Variants in SEMA3C observed in about 807,000 individuals in gnomAD.
The protein encoded by SEMA3C is semaphorin-3C.
Under a neutral mutation model 89.4 loss-of-function variants are expected in SEMA3C, and 47 were observed. The observed-to-expected ratio is 0.53, with a 90% confidence interval of 0.42 to 0.67. SEMA3C has a LOEUF of 0.67. Ranked by LOEUF, SEMA3C falls within the 30% of genes least tolerant of loss-of-function variation. SEMA3C has a pLI of 0.00. For synonymous variants in SEMA3C, 310 were observed against 320.2 expected (o/e 0.97, Z 0.34); for missense variants, 839 against 929.1 (o/e 0.90, Z 1.26).
intron 2 of SEMA3C, among the ~76,000 whole-genome samples, chr7:80,900,944 T>C (rs528954318): frequency 2.6e-5 from 4 of 152,336 alleles, no homozygotes; most frequent in Middle Eastern, 3.4e-3. Context: ...ACAGAAGATG[T>C]TGGATATATT....
chr7:80,914,220 A>G (rs1792218864), intron 2 of SEMA3C, among the ~76,000 whole-genome samples: 1 of 152,224 alleles, frequency 6.6e-6, no homozygotes, highest in South Asian at 2.1e-4. Flanking sequence ...TATATGCCAC[A>G]TGTATTTAAA....
intron 6 of SEMA3C, among the ~76,000 whole-genome samples, chr7:80,807,002 T>G (rs1199669180): frequency 6.6e-6 from 1 of 152,128 alleles, no homozygotes; most frequent in African/African-American, 2.4e-5. Flanking sequence ...TGCTCAGCTC[T>G]GCTTCCTAGT....
At position 80,787,216 on chromosome 7, in the gene SEMA3C, AC is replaced by A. The variant is rs1447230331; in HGVS notation, c.1354+2089del. ...AGACCATCCTGGCCAACATGGTGAA[AC>A]CCTGTCTCTATTAAAAATACAAAAA... On this transcript the variant is annotated intron_variant, in intron 12 of 17. Coordinates refer to ENST00000265361, the MANE Select transcript of SEMA3C (RefSeq NM_006379.5). 2.0e-4 allele frequency among the ~76,000 whole-genome samples: 31 copies of A among 152,030 alleles called. No individual in the cohort carries two copies. In the South Asian group the frequency reaches 4.8e-3, roughly 23 times the overall value.
upstream of SEMA3C, chr7:80,919,095 C>G: frequency 1.0e-6 from 1 of 985,154 alleles, no homozygotes; most frequent in Non-Finnish European, 1.2e-6. Context: ...CTCTTGGTGT[C>G]CGATTACAGC....
At chr7:80,859,255 A>T (rs1344610397) in intron 2 of SEMA3C, among the ~76,000 whole-genome samples, 2 of 152,188 alleles carry the variant, frequency 1.3e-5, no homozygotes, top group East Asian at 3.9e-4. Context: ...ATGTTTATGC[A>T]TACATACATA....
rs1313242777 is a variant in SEMA3C at position 80,789,286 on chromosome 7, T to C, written c.1354+20A>G. 2.5e-6 allele frequency: 4 copies of C among 1,595,508 alleles called. No individual in the cohort carries two copies. The highest frequency in any genetic ancestry group is 2.6e-6 in the Non-Finnish European group (3 of 1,165,084). On this transcript the variant is annotated intron_variant, in intron 12 of 17. Transcript: ENST00000265361. ...TTCTTTTACTACACATTAAAGCATATCTTGGGCTCAAATATTTACCTGTTC... is the reference window on the plus strand; with the variant it reads ...TTCTTTTACTACACATTAAAGCATACCTTGGGCTCAAATATTTACCTGTTC...
In SEMA3C at chr7:80,786,218, T is replaced by A. The variant is rs534390787; in HGVS notation, c.1354+3088A>T. On this transcript the variant is annotated intron_variant, in intron 12 of 17. Coordinates refer to ENST00000265361, the MANE Select transcript of SEMA3C (RefSeq NM_006379.5). ...TGTTTAAATACCAAAATAAAAATTC[T>A]ATGAAATGGTGCCAGAAACTTATGT... is the stretch of plus-strand genomic sequence containing the variant. 8.5e-5 allele frequency among the ~76,000 whole-genome samples: 13 copies of A among 152,198 alleles called. 1 individual carries two copies. Among genetic ancestry groups the A allele is most frequent in the Non-Finnish European group, 1.6e-4 (11 of 68,030 alleles).
At chr7:80,785,838 C>T (rs914037943) in intron 12 of SEMA3C, among the ~76,000 whole-genome samples, 2 of 152,214 alleles carry the variant, frequency 1.3e-5, no homozygotes, top group African/African-American at 4.8e-5. Context: ...AAACTCCCGA[C>T]CTCAGGTGAT....
chr7:80,753,209 C>T (rs1277627132), intron 15 of SEMA3C, among the ~76,000 whole-genome samples: 4 of 152,144 alleles, frequency 2.6e-5, no homozygotes, highest in Non-Finnish European at 5.9e-5. Flanking sequence ...GTGTTAGCCA[C>T]TTTCATCTCA....
chr7:80,810,721 TA>T lies in SEMA3C; in HGVS notation c.448-21del. 6.4e-7 allele frequency: 1 copy of T among 1,568,748 alleles called. No individual in the cohort carries two copies. ...TTGGTCCTTTATTGTAGATAAAATTTAAAATGTGGCAATGATAACTTATTTA... is the reference window on the plus strand; with the variant it reads ...TTGGTCCTTTATTGTAGATAAAATTTAAATGTGGCAATGATAACTTATTTA... On this transcript the variant is annotated intron_variant, in intron 5 of 17. Transcript: ENST00000265361.
At chr7:80,872,512 C>T (rs1791086016) in intron 2 of SEMA3C, among the ~76,000 whole-genome samples, 1 of 151,906 alleles carries the variant, frequency 6.6e-6, no homozygotes, top group Admixed American at 6.6e-5. Flanking sequence ...TAGAAGATTG[C>T]TGAATTCTCG....
intron 14 of SEMA3C, among the ~76,000 whole-genome samples, chr7:80,760,264 A>G (rs1788155528): frequency 6.6e-6 from 1 of 152,246 alleles, no homozygotes; most frequent in Admixed American, 6.5e-5. Flanking sequence ...CAGATGTAAT[A>G]CATAACTAAA....
intron 2 of SEMA3C, among the ~76,000 whole-genome samples, chr7:80,852,684 T>A (rs1790541540): frequency 6.6e-6 from 1 of 151,456 alleles, no homozygotes; most frequent in Admixed American, 6.6e-5. Flanking sequence ...GACATTTTTT[T>A]TTTTTTTTTT....
chr7:80,785,890 G>A (rs1004268669), intron 12 of SEMA3C, among the ~76,000 whole-genome samples: 1 of 152,242 alleles, frequency 6.6e-6, no homozygotes, highest in African/African-American at 2.4e-5. Context: ...TTACAGGCGT[G>A]AGCCACTGTG....
At chr7:80,867,161 T>C (rs926927822) in intron 2 of SEMA3C, among the ~76,000 whole-genome samples, 1 of 152,232 alleles carries the variant, frequency 6.6e-6, no homozygotes, top group African/African-American at 2.4e-5. Context: ...TTAATGGTTG[T>C]AGAAAAAGAC....
At chr7:80,835,204 A>C (rs1790098000) in intron 2 of SEMA3C, among the ~76,000 whole-genome samples, 1 of 152,150 alleles carries the variant, frequency 6.6e-6, no homozygotes, top group Admixed American at 6.5e-5. Flanking sequence ...ATGTGTTATT[A>C]ATTTGTTCAA....
At chr7:80,745,431 C>T (rs756000526) in intron 17 of SEMA3C, 124 bp from the exon 18 acceptor site, 30 of 915,398 alleles carry the variant, frequency 3.3e-5, no homozygotes, top group Non-Finnish European at 4.7e-5. Flanking sequence ...CACTACTTAG[C>T]ATCCTTCTCA....
intron 15 of SEMA3C, among the ~76,000 whole-genome samples, chr7:80,757,143 A>G (rs561432836): frequency 6.6e-6 from 1 of 152,224 alleles, no homozygotes; most frequent in Non-Finnish European, 1.5e-5. Flanking sequence ...AGGTCCTCAA[A>G]GGAATGTAGA....
At chr7:80,774,738 G>A (rs927455098) in intron 12 of SEMA3C, among the ~76,000 whole-genome samples, 5 of 151,902 alleles carry the variant, frequency 3.3e-5, no homozygotes, top group African/African-American at 1.2e-4. Flanking sequence ...GTTATCAAAC[G>A]GTCAACATAT....
Sources: gnomAD v4.1 joint callset for allele counts (sites outside exome capture counted in the v4.1 genomes callset) on GRCh38, gnomAD v4.1.1 for gene constraint, MANE v1.5 for transcripts, NCBI Gene and HGNC (gene_info 2026-07-23, HGNC 2026-07-21) for gene names.